Variants in GABRG3 observed in about 807,000 individuals in gnomAD.
GABRG3 encodes gamma-aminobutyric acid receptor subunit gamma-3.
In GABRG3, 25 loss-of-function variants were observed where a neutral mutation model predicts 48.8. The ratio of observed to expected loss-of-function variants is 0.51; its 90% CI spans 0.37 to 0.72. GABRG3 has a LOEUF of 0.72. Ranked by LOEUF, GABRG3 falls within the 30% of genes least tolerant of loss-of-function variation. The pLI, the probability that GABRG3 is intolerant of heterozygous loss-of-function variation, is 0.00. For synonymous variants in GABRG3, 227 were observed against 217.6 expected (o/e 1.04, Z -0.38); for missense variants, 394 against 577.9 (o/e 0.68, Z 3.26).
At chr15:27,112,883 G>A (rs911356328) in intron 3 of GABRG3, among the ~76,000 whole-genome samples, 8 of 152,108 alleles carry the variant, frequency 5.3e-5, no homozygotes, top group South Asian at 2.1e-4. Context: ...CTTTTTCCCC[G>A]TTGTATTATA....
intron 3 of GABRG3, among the ~76,000 whole-genome samples, chr15:27,209,367 CTTCT>C (rs1365116554): frequency 1.4e-5 from 2 of 142,558 alleles, no homozygotes; most frequent in African/African-American, 2.6e-5. Context: ...TCCTTCCTTC[CTTCT>C]TTCTTTTCTT....
At chr15:27,043,595 C>T (rs1270443932) in intron 3 of GABRG3, among the ~76,000 whole-genome samples, 1 of 152,188 alleles carries the variant, frequency 6.6e-6, no homozygotes, top group Non-Finnish European at 1.5e-5. Context: ...CCCTTTTCTG[C>T]CCGCAGAGCC....
At chr15:27,403,140 A>G (rs533566306) in intron 5 of GABRG3, among the ~76,000 whole-genome samples, 1 of 152,330 alleles carries the variant, frequency 6.6e-6, no homozygotes, top group African/African-American at 2.4e-5. Flanking sequence ...AAAGAAAAAA[A>G]TTAAGACTGA....
intron 6 of GABRG3, among the ~76,000 whole-genome samples, chr15:27,491,518 C>T (rs1409229966): frequency 6.6e-6 from 1 of 152,210 alleles, no homozygotes; most frequent in Non-Finnish European, 1.5e-5. Context: ...CTACTACCAC[C>T]TTGATTCTAC....
At chr15:27,111,809 G>A (rs953742127) in intron 3 of GABRG3, among the ~76,000 whole-genome samples, 2 of 152,126 alleles carry the variant, frequency 1.3e-5, no homozygotes, top group African/African-American at 4.8e-5. Context: ...AGCTTCCTAA[G>A]TGTTTCTGTC....
intron 2 of GABRG3, among the ~76,000 whole-genome samples, chr15:27,003,404 A>G (rs1270100622): frequency 2.0e-5 from 3 of 151,094 alleles, no homozygotes; most frequent in Non-Finnish European, 4.4e-5. Flanking sequence ...GGTACTTGAG[A>G]TTAGGGAGTG....
chr15:27,210,802 C>G (rs1323376562), intron 3 of GABRG3, among the ~76,000 whole-genome samples: 3 of 152,156 alleles, frequency 2.0e-5, no homozygotes, highest in African/African-American at 4.8e-5. Context: ...CTGGGAGGAG[C>G]CAAGTGGGCT....
chr15:27,272,649 C>G (rs745617709), intron 3 of GABRG3, among the ~76,000 whole-genome samples: 5 of 152,146 alleles, frequency 3.3e-5, no homozygotes, highest in African/African-American at 4.8e-5. Context: ...CCACAGTGCA[C>G]CATTCCAGCC....
chr15:27,380,904 T>C (rs1466465776), intron 5 of GABRG3, among the ~76,000 whole-genome samples: 3 of 151,896 alleles, frequency 2.0e-5, no homozygotes, highest in African/African-American at 4.8e-5. Flanking sequence ...TAGCTGGGAC[T>C]ACAGGCGCCT....
At chr15:27,496,709 T>C (rs189849533) in intron 6 of GABRG3, among the ~76,000 whole-genome samples, 26 of 152,278 alleles carry the variant, frequency 1.7e-4, no homozygotes, top group Non-Finnish European at 2.6e-4. Flanking sequence ...AAAGAGGTAA[T>C]TGTATGCTTG....
chr15:27,418,064 A>G (rs762996518), intron 5 of GABRG3, among the ~76,000 whole-genome samples: 3 of 152,192 alleles, frequency 2.0e-5, no homozygotes, highest in Non-Finnish European at 4.4e-5. Context: ...CGCACTGAAG[A>G]TCAGCATGAG....
At chr15:27,197,631 CAAAA>C (rs1888537922) in intron 3 of GABRG3, among the ~76,000 whole-genome samples, 1 of 151,926 alleles carries the variant, frequency 6.6e-6, no homozygotes, top group Non-Finnish European at 1.5e-5. Flanking sequence ...TAAACTGTCT[CAAAA>C]GAAAGAATTA....
At chr15:27,155,681 C>T (rs1415327271) in intron 3 of GABRG3, among the ~76,000 whole-genome samples, 2 of 152,248 alleles carry the variant, frequency 1.3e-5, no homozygotes, top group Non-Finnish European at 1.5e-5. Flanking sequence ...GAGGCTGTCT[C>T]CTAATCATTG....
chr15:27,280,092 AT>A lies in GABRG3; in HGVS notation c.271-46710del, dbSNP rs540799541. Among the ~76,000 whole-genome samples, 10 of 151,566 alleles carry A rather than the reference AT, an allele frequency of 6.6e-5. No individual in the cohort carries two copies. The South Asian group carries it at 1.3e-3, about 19-fold the overall frequency. The stretch of plus-strand genomic sequence containing the variant: ...ACTAGTGATTTTTTTTAATTAGTTC[AT>A]TTTTTTCCCCTACTGATTTTTTTCC... On this transcript the variant is annotated intron_variant, in intron 3 of 9. Transcript: ENST00000615808.
rs980645803 is a variant in GABRG3 at position 27,535,615 on chromosome 15, G to A, written c.*2734G>A. On this transcript the variant is annotated 3_prime_UTR_variant, in exon 10 of 10. Transcript: ENST00000615808. ...TGCATATACAGCAGGCTCCCCACTA[G>A]GGGGTCTCAATAAAAAGAGCTAAAG... The A allele has an allele frequency of 2.0e-5, 3 of 152,156 alleles. No individual in the cohort carries two copies. Among genetic ancestry groups the A allele is most frequent in the Non-Finnish European group, 4.4e-5 (3 of 68,040 alleles). The allele number at this position is 152,156 out of a possible 1,614,324, so 9.4% of individuals were successfully genotyped here.
At chr15:27,403,060 T>C (rs899578326) in intron 5 of GABRG3, among the ~76,000 whole-genome samples, 1 of 151,790 alleles carries the variant, frequency 6.6e-6, no homozygotes, top group Non-Finnish European at 1.5e-5. Context: ...AAAGATAAGA[T>C]ATAAATTTGA....
intron 5 of GABRG3, among the ~76,000 whole-genome samples, chr15:27,361,716 C>T (rs1298597749): frequency 3.3e-5 from 5 of 152,168 alleles, no homozygotes; most frequent in East Asian, 1.9e-4. Context: ...GCAGCTATTT[C>T]GGGCTAATCT....
At chr15:26,996,753 C>T (rs750997971) in intron 2 of GABRG3, among the ~76,000 whole-genome samples, 24 of 151,912 alleles carry the variant, frequency 1.6e-4, no homozygotes, top group Non-Finnish European at 3.4e-4. Flanking sequence ...GGGTTCATGC[C>T]ATTCTCCTGC....
chr15:27,487,590 T>A (rs1279354670), intron 6 of GABRG3, among the ~76,000 whole-genome samples: 1 of 152,054 alleles, frequency 6.6e-6, no homozygotes, highest in Non-Finnish European at 1.5e-5. Flanking sequence ...TGACTCCCGG[T>A]TTCCAGAACA....
Sources: gnomAD v4.1 joint callset for allele counts (sites outside exome capture counted in the v4.1 genomes callset) on GRCh38, gnomAD v4.1.1 for gene constraint, MANE v1.5 for transcripts, NCBI Gene and HGNC (gene_info 2026-07-23, HGNC 2026-07-21) for gene names.